Variants in FAM185A observed in about 807,000 individuals in gnomAD.
The protein encoded by FAM185A is family with sequence similarity 185 member A.
In FAM185A, 21 loss-of-function variants were observed where a neutral mutation model predicts 45.7. That is an observed-to-expected ratio of 0.46 (90% CI 0.33 to 0.66). The LOEUF is 0.66. Ranked by LOEUF, FAM185A falls within the 30% of genes least tolerant of loss-of-function variation. The pLI is 0.03. For synonymous variants in FAM185A, 117 were observed against 194.0 expected (o/e 0.60, Z 3.30); for missense variants, 305 against 485.4 (o/e 0.63, Z 3.49).
At chr7:102,807,415 A>G (rs906746934) in intron 7 of FAM185A, among the ~76,000 whole-genome samples, 3 of 152,184 alleles carry the variant, frequency 2.0e-5, no homozygotes, top group Admixed American at 6.5e-5. Context: ...TAAAAATAAT[A>G]TATGTTGAGC....
intron 7 of FAM185A, among the ~76,000 whole-genome samples, chr7:102,807,546 A>C (rs1043100834): frequency 7.6e-6 from 1 of 131,274 alleles, no homozygotes; most frequent in African/African-American, 2.6e-5. Flanking sequence ...TCCAATATTC[A>C]AAAAAAAAAA....
chr7:102,848,987 C>T, the FAM185A span, among the ~76,000 whole-genome samples: 8 of 151,808 alleles, frequency 5.3e-5, no homozygotes, highest in African/African-American at 1.7e-4. Flanking sequence ...GCAACAAGAG[C>T]GAAACTCCAT....
At chr7:102,751,183 T>C (rs1793340609) in intron 1 of FAM185A, among the ~76,000 whole-genome samples, 1 of 152,222 alleles carries the variant, frequency 6.6e-6, no homozygotes. Flanking sequence ...CCCAAAGTGC[T>C]GGTATTACAG....
At chr7:102,816,450 T>C in the FAM185A span, among the ~76,000 whole-genome samples, 2 of 152,164 alleles carry the variant, frequency 1.3e-5, no homozygotes, top group African/African-American at 2.4e-5. Flanking sequence ...AGAAAATCCT[T>C]AGCCGTGACT....
chr7:102,775,755 ACTTTT>A (rs1795020772), intron 5 of FAM185A, among the ~76,000 whole-genome samples: 1 of 149,912 alleles, frequency 6.7e-6, no homozygotes, highest in Non-Finnish European at 1.5e-5. Context: ...TGTGTATTAC[ACTTTT>A]CTTTTTTTTA....
chr7:102,836,031 G>A, the FAM185A span, among the ~76,000 whole-genome samples: 32,230 of 152,106 alleles, frequency 0.21, 4,048 homozygotes, highest in East Asian at 0.59. Flanking sequence ...ATTTATTGAA[G>A]GATGAAACAA....
chr7:102,758,251 T>C (rs1793882420), intron 3 of FAM185A, among the ~76,000 whole-genome samples: 1 of 152,102 alleles, frequency 6.6e-6, no homozygotes, highest in South Asian at 2.1e-4. Flanking sequence ...TTAAAATAGA[T>C]GATTAAGTAA....
At chr7:102,799,905 G>A (rs1310747234) in intron 7 of FAM185A, among the ~76,000 whole-genome samples, 1 of 151,596 alleles carries the variant, frequency 6.6e-6, no homozygotes, top group African/African-American at 2.4e-5. Context: ...GCGTGTAGAG[G>A]CTCGCGTCAT....
the FAM185A span, among the ~76,000 whole-genome samples, chr7:102,836,977 G>A: frequency 6.6e-6 from 1 of 152,156 alleles, no homozygotes; most frequent in East Asian, 1.9e-4. Flanking sequence ...TGGTAATTCT[G>A]GAAAATATGT....
the FAM185A span, among the ~76,000 whole-genome samples, chr7:102,834,090 G>GGAAGGAAGGAAGGA: frequency 7.5e-4 from 53 of 70,500 alleles, 3 homozygotes; most frequent in East Asian, 2.3e-3. Context: ...GGAAAGAAAA[G>GGAAGGAAGGAAGGA]AAAGAAAGAA....
At chr7:102,808,007 G>C (rs1482991931) in intron 7 of FAM185A, among the ~76,000 whole-genome samples, 1 of 152,196 alleles carries the variant, frequency 6.6e-6, no homozygotes, top group Non-Finnish European at 1.5e-5. Context: ...GCTGCAGTGA[G>C]CCGAGATCGT....
At position 102,749,362 on chromosome 7, in the gene FAM185A, CTG is replaced by C. The variant is rs1227215092; in HGVS notation, c.156_157del (p.Glu53GlyfsTer81). 6.5e-7 allele frequency: 1 copy of C among 1,548,726 alleles called. No homozygotes were observed. The highest frequency in any genetic ancestry group is 1.4e-5 in the African/African-American group (1 of 72,996). ...AGCGAGCGCTGGCCCGGATCGGAGA[CTG>C]AGGTCCCTCCGCCTGGCCCGGGGCG... is the stretch of plus-strand genomic sequence containing the variant. On this transcript the variant is annotated frameshift_variant, in exon 1 of 8. Coordinates refer to ENST00000413034, the MANE Select transcript of FAM185A (RefSeq NM_001145268.2). LOFTEE classifies it high-confidence loss of function.
intron 6 of FAM185A, among the ~76,000 whole-genome samples, chr7:102,784,450 C>A (rs1326786044): frequency 1.3e-5 from 2 of 152,204 alleles, no homozygotes; most frequent in Non-Finnish European, 2.9e-5. Context: ...TATTGGCAAA[C>A]TGAATCCAGC....
the FAM185A span, among the ~76,000 whole-genome samples, chr7:102,832,444 A>G: frequency 6.6e-6 from 1 of 152,226 alleles, no homozygotes; most frequent in Non-Finnish European, 1.5e-5. Flanking sequence ...TGTAACCCCA[A>G]GGTTATGGAT....
At chr7:102,790,331 C>T (rs1312530205) in intron 7 of FAM185A, among the ~76,000 whole-genome samples, 5 of 152,042 alleles carry the variant, frequency 3.3e-5, no homozygotes, top group Admixed American at 3.3e-4. Flanking sequence ...AGTTTTTTAC[C>T]TCTATTATAA....
chr7:102,786,269 G>A (rs1795788016), intron 6 of FAM185A, among the ~76,000 whole-genome samples: 1 of 152,240 alleles, frequency 6.6e-6, no homozygotes, highest in African/African-American at 2.4e-5. Context: ...GGAAGTCAGT[G>A]TAGCGATTCC....
intron 6 of FAM185A, among the ~76,000 whole-genome samples, chr7:102,786,379 C>T (rs1368923423): frequency 2.6e-5 from 4 of 152,192 alleles, no homozygotes; most frequent in East Asian, 1.9e-4. Flanking sequence ...GACATGCACA[C>T]GTATGTTTAT....
chr7:102,795,924 T>G (rs2129443312), intron 7 of FAM185A, among the ~76,000 whole-genome samples: 1 of 152,326 alleles, frequency 6.6e-6, no homozygotes, highest in South Asian at 2.1e-4. Flanking sequence ...CAAAGTAAAA[T>G]TCACAATGTT....
At chr7:102,750,830 G>A in intron 1 of FAM185A, among the ~76,000 whole-genome samples, 1 of 152,112 alleles carries the variant, frequency 6.6e-6, no homozygotes. Context: ...GCCAAGGATG[G>A]CATTTGTAAT....
Sources: allele counts gnomAD v4.1 joint callset (sites outside exome capture counted in the v4.1 genomes callset), GRCh38; gene constraint gnomAD v4.1.1; transcripts MANE v1.5; gene names NCBI Gene and HGNC (gene_info 2026-07-23, HGNC 2026-07-21).